The following CWF19L2 variants were observed in gnomAD, a reference collection of about 807,000 sequenced individuals.
The protein encoded by CWF19L2 is CWF19-like protein 2.
A neutral mutation model predicts 111.7 loss-of-function variants in CWF19L2; 98 were observed. That is an observed-to-expected ratio of 0.88 (90% CI 0.75 to 1.04). CWF19L2 has a LOEUF of 1.04. Ranked by LOEUF, CWF19L2 falls within the 50% of genes least tolerant of loss-of-function variation. CWF19L2 has a pLI of 0.00. For missense variants in CWF19L2, 1,101 were observed against 1,051.4 expected, an observed-to-expected ratio of 1.05 and a Z score of -0.65; for synonymous variants, 351 against 342.9, an observed-to-expected ratio of 1.02 and a Z score of -0.26.
intron 3 of CWF19L2, among the ~76,000 whole-genome samples, chr11:107,449,027 A>G (rs1861741257): frequency 6.6e-6 from 1 of 152,064 alleles, no homozygotes; most frequent in African/African-American, 2.4e-5. Flanking sequence ...CCCTAAAAGC[A>G]TCCAGAATAA....
chr11:107,413,186 G>A (rs1336402192), intron 10 of CWF19L2, among the ~76,000 whole-genome samples: 1 of 152,158 alleles, frequency 6.6e-6, no homozygotes, highest in Non-Finnish European at 1.5e-5. Flanking sequence ...CCTCTGGTAG[G>A]GGCTATTGAT....
chr11:107,343,192 C>G (rs555430789), intron 14 of CWF19L2, among the ~76,000 whole-genome samples: 1 of 152,146 alleles, frequency 6.6e-6, no homozygotes, highest in South Asian at 2.1e-4. Context: ...GGTTGTTCCA[C>G]CAGTTGTTAA....
intron 2 of CWF19L2, among the ~76,000 whole-genome samples, chr11:107,454,813 T>G (rs1466563246): frequency 6.6e-6 from 1 of 152,134 alleles, no homozygotes; most frequent in Non-Finnish European, 1.5e-5. Context: ...CTGGGAAAAT[T>G]TTGGCTTTAT....
At chr11:107,423,967 T>G (rs1861338793) in intron 8 of CWF19L2, among the ~76,000 whole-genome samples, 1 of 151,760 alleles carries the variant, frequency 6.6e-6, no homozygotes, top group African/African-American at 2.4e-5. Context: ...AGGGTACTAA[T>G]CAAATTCTCA....
At chr11:107,444,279 TC>T (rs1270056555) in intron 3 of CWF19L2, among the ~76,000 whole-genome samples, 1 of 152,096 alleles carries the variant, frequency 6.6e-6, no homozygotes, top group Non-Finnish European at 1.5e-5. Context: ...ACATCTACTG[TC>T]CCCATTAATC....
chr11:107,337,392 T>A (rs1404859037), intron 14 of CWF19L2, among the ~76,000 whole-genome samples: 1 of 151,646 alleles, frequency 6.6e-6, no homozygotes, highest in Non-Finnish European at 1.5e-5. Flanking sequence ...TGTGTGTGTG[T>A]GTGTGTGTGT....
intron 17 of CWF19L2, among the ~76,000 whole-genome samples, chr11:107,329,247 T>A (rs1859807166): frequency 6.6e-6 from 1 of 152,236 alleles, no homozygotes; most frequent in South Asian, 2.1e-4. Flanking sequence ...CCTGACACTA[T>A]TCTGTAGACT....
At chr11:107,385,211 A>G (rs1860747261) in intron 12 of CWF19L2, among the ~76,000 whole-genome samples, 1 of 152,158 alleles carries the variant, frequency 6.6e-6, no homozygotes, top group Non-Finnish European at 1.5e-5. Flanking sequence ...AAAAATCCCA[A>G]TGTGAAATCA....
intron 12 of CWF19L2, among the ~76,000 whole-genome samples, chr11:107,377,893 C>G (rs1860617230): frequency 6.7e-6 from 1 of 150,280 alleles, no homozygotes. Context: ...TATCCAGAAT[C>G]TACAAAGAAC....
intron 10 of CWF19L2, among the ~76,000 whole-genome samples, chr11:107,404,886 A>G (rs79563101): frequency 0.013 from 1,955 of 152,228 alleles, 32 homozygotes; most frequent in African/African-American, 0.044. Flanking sequence ...AGGCCTGCCA[A>G]TACAAATCAC....
At chr11:107,442,896 G>A in intron 4 of CWF19L2, 43 bp downstream of exon 4, 1 of 1,240,800 alleles carries the variant, frequency 8.1e-7, no homozygotes, top group South Asian at 1.3e-5. Context: ...AAGGAAGGAA[G>A]GAAGGAAGAA....
At chr11:107,403,751 T>C in intron 10 of CWF19L2, 1 of 895,058 alleles carries the variant, frequency 1.1e-6, no homozygotes, top group African/African-American at 1.6e-5. Context: ...TTTGCCGGTC[T>C]GTTCCTCTGC....
At chr11:107,345,949 C>T (rs1860074007) in intron 14 of CWF19L2, among the ~76,000 whole-genome samples, 1 of 152,036 alleles carries the variant, frequency 6.6e-6, no homozygotes, top group South Asian at 2.1e-4. Flanking sequence ...AGTAAAAAAA[C>T]ACTTCATTCT....
At chr11:107,427,559 C>T (rs1222979944) in intron 8 of CWF19L2, among the ~76,000 whole-genome samples, 1 of 152,032 alleles carries the variant, frequency 6.6e-6, no homozygotes, top group East Asian at 1.9e-4. Context: ...TATTACTTTG[C>T]AGACATTTTG....
At chr11:107,380,131 C>G (rs895703253) in intron 12 of CWF19L2, among the ~76,000 whole-genome samples, 2 of 145,580 alleles carry the variant, frequency 1.4e-5, no homozygotes, top group African/African-American at 5.1e-5. Flanking sequence ...ATTTTAGTGT[C>G]ATTATATAGA....
chr11:107,365,643 C>A (rs1244756228), intron 12 of CWF19L2, among the ~76,000 whole-genome samples: 48 of 100,290 alleles, frequency 4.8e-4, no homozygotes, highest in Admixed American at 2.2e-3. Flanking sequence ...GCTAAAAACT[C>A]TCAATAAATT....
chr11:107,331,314 G>A (rs765548763), intron 16 of CWF19L2, among the ~76,000 whole-genome samples: 6 of 152,070 alleles, frequency 3.9e-5, no homozygotes, highest in African/African-American at 4.8e-5. Context: ...TCCTCAATTC[G>A]CCATGAATAT....
At chr11:107,417,904 C>T (rs1380981703) in intron 9 of CWF19L2, among the ~76,000 whole-genome samples, 1 of 152,110 alleles carries the variant, frequency 6.6e-6, no homozygotes, top group Non-Finnish European at 1.5e-5. Flanking sequence ...GAATTACAGG[C>T]ATGCGCCACC....
intron 5 of CWF19L2, among the ~76,000 whole-genome samples, chr11:107,440,029 A>G (rs1259454172): frequency 1.3e-5 from 2 of 152,206 alleles, no homozygotes; most frequent in African/African-American, 4.8e-5. Context: ...TGTTCTAAGC[A>G]CGATGCCAGG....
Sources: allele counts gnomAD v4.1 joint callset (sites outside exome capture counted in the v4.1 genomes callset), GRCh38; gene constraint gnomAD v4.1.1; transcripts MANE v1.5; gene names NCBI Gene and HGNC (gene_info 2026-07-23, HGNC 2026-07-21).